Variants in KLHL7 observed in about 807,000 individuals in gnomAD.
The protein encoded by KLHL7 is kelch like family member 7, also known as kelch-like protein 7.
A neutral mutation model predicts 67.4 loss-of-function variants in KLHL7; 44 were observed. The ratio of observed to expected loss-of-function variants is 0.65; its 90% CI spans 0.51 to 0.84. The LOEUF (loss-of-function observed/expected upper bound fraction) is 0.84, where lower values mean the gene tolerates loss of function less well. Among genes scored for constraint, KLHL7 ranks in the 40% least tolerant of loss-of-function variants. The pLI, the probability that KLHL7 is intolerant of heterozygous loss-of-function variation, is 0.00. For synonymous variants in KLHL7, 252 were observed against 243.3 expected, an observed-to-expected ratio of 1.04 and a Z score of -0.33; for missense variants, 362 against 718.1, an observed-to-expected ratio of 0.50 and a Z score of 5.67.
chr7:23,128,061 G>A (rs1441461093), intron 4 of KLHL7, among the ~76,000 whole-genome samples: 2 of 151,756 alleles, frequency 1.3e-5, no homozygotes, highest in African/African-American at 4.8e-5. Flanking sequence ...ACCGGGAGGC[G>A]GAGGTTGCAG....
At chr7:23,125,024 A>G (rs1259251931) in intron 3 of KLHL7, 24 bp from the exon 4 acceptor site, 5 of 1,600,218 alleles carry the variant, frequency 3.1e-6, no homozygotes, top group East Asian at 2.2e-5. Context: ...TGGGTAACTA[A>G]TATTCCCTCT....
At position 23,164,678 on chromosome 7, in the gene KLHL7, G is replaced by A. The variant is rs143439558; in HGVS notation, c.937-1020G>A. ...AAAGCAAAATGTTCATCTTTGTCAG[G>A]AGTCAAAGTATTCTACATTAGGGGC... On this transcript the variant is annotated intron_variant, in intron 7 of 10. Coordinates refer to ENST00000339077, the MANE Select transcript of KLHL7 (RefSeq NM_001031710.3). 5.3e-5 allele frequency among the ~76,000 whole-genome samples: 8 copies of A among 152,274 alleles called. No individual in the cohort carries two copies. In the East Asian group the frequency reaches 1.5e-3, roughly 29 times the overall value.
intron 6 of KLHL7, among the ~76,000 whole-genome samples, chr7:23,148,617 A>C (rs1784437251): frequency 6.6e-6 from 1 of 152,142 alleles, no homozygotes; most frequent in Non-Finnish European, 1.5e-5. Context: ...GTTATGCCCA[A>C]TTCCCAAACT....
chr7:23,123,667 G>A (rs1583655693), intron 1 of KLHL7, 110 bp from the exon 2 acceptor site: 1 of 732,168 alleles, frequency 1.4e-6, no homozygotes, highest in Non-Finnish European at 2.4e-6. Flanking sequence ...AAAAAGATTG[G>A]CTTTAAATAG....
At chr7:23,148,547 A>G (rs557666510) in intron 6 of KLHL7, among the ~76,000 whole-genome samples, 1 of 152,314 alleles carries the variant, frequency 6.6e-6, no homozygotes, top group East Asian at 1.9e-4. Context: ...GACCAAGAAG[A>G]TGCCTTTACA....
intron 1 of KLHL7, among the ~76,000 whole-genome samples, chr7:23,121,435 A>G (rs956183345): frequency 2.0e-5 from 3 of 151,530 alleles, no homozygotes; most frequent in African/African-American, 4.9e-5. Context: ...CACTGGGACT[A>G]CAGACACACA....
intron 1 of KLHL7, among the ~76,000 whole-genome samples, chr7:23,121,770 C>CCGTT (rs1783355239): frequency 6.6e-6 from 1 of 151,194 alleles, no homozygotes; most frequent in Non-Finnish European, 1.5e-5. Flanking sequence ...GCAAGCTCCG[C>CCGTT]CTCCTGGGTT....
intron 1 of KLHL7, among the ~76,000 whole-genome samples, chr7:23,117,669 C>A (rs1283282038): frequency 6.6e-6 from 1 of 152,124 alleles, no homozygotes; most frequent in African/African-American, 2.4e-5. Context: ...TAAGTTCAAT[C>A]CTGTTTTTCT....
chr7:23,111,978 G>A (rs1470154574), intron 1 of KLHL7, among the ~76,000 whole-genome samples: 1 of 152,096 alleles, frequency 6.6e-6, no homozygotes, highest in African/African-American at 2.4e-5. Context: ...GCAGCCATAA[G>A]CAACATCAAT....
rs1785286371 is a variant in KLHL7, at chr7:23,175,952, C to CAAAAAAAAAAAA, written c.*1654_*1655insAAAAAAAAAAAA. On this transcript the variant is annotated 3_prime_UTR_variant, in exon 11 of 11. Transcript: ENST00000339077. ...CCCCAGCCTGGGCAACAGAGCAAGA[C>CAAAAAAAAAAAA]TAAAAAAAAAAAAAAAAAAAAAAAA... The CAAAAAAAAAAAA allele has an allele frequency of 3.5e-5, 1 of 28,436 alleles. No homozygotes were observed. Among genetic ancestry groups the CAAAAAAAAAAAA allele is most frequent in the African/African-American group, 2.4e-4 (1 of 4,204 alleles). 1.8% of individuals were successfully genotyped at this position (28,436 alleles called of 1,614,324 possible).
chr7:23,152,179 A>G lies in KLHL7; in HGVS notation c.906A>G (p.Gln302=), dbSNP rs371816812. 1.1e-5 allele frequency: 17 copies of G among 1,613,852 alleles called. No homozygotes were observed. The highest frequency in any genetic ancestry group is 1.3e-5 in the African/African-American group (1 of 74,910). ...DYRIALFGGS[Q]PQSCRYFNPK... is the part of the protein sequence containing the mutation. ...GCATAGCCCTATTTGGAGGCTCTCA[A>G]CCACAGTCTTGTAGATATTTTAACC... is the stretch of plus-strand genomic sequence containing the variant. The change falls in exon 7 of 11, where the codon CAA becomes CAG. Residue 302 remains glutamine, a synonymous_variant. Transcript: ENST00000339077.
intron 1 of KLHL7, chr7:23,118,097 T>G (rs1434235228): frequency 1.9e-6 from 2 of 1,031,950 alleles, no homozygotes; most frequent in Non-Finnish European, 2.9e-6. Flanking sequence ...AGCACTTACA[T>G]GGACCCAACT....
chr7:23,174,295 A>G lies in KLHL7; in HGVS notation c.1758A>G (p.Thr586=), dbSNP rs1335074172. The G allele has an allele frequency of 3.7e-6, 6 of 1,614,032 alleles. No individual in the cohort carries two copies. Among genetic ancestry groups the G allele is most frequent in the Middle Eastern group, 3.3e-4 (2 of 6,082 alleles). ...TCGANEETLE[T] ...GAGCAAATGAAGAGACCCTTGAAAC[A>G]TGAAAAATGAGTGGACTTCAGACTC... The change falls in exon 11 of 11, where the codon ACA becomes ACG. Residue 586 remains threonine, a synonymous_variant. Transcript: ENST00000339077.
At chr7:23,113,703 G>A (rs1782970255) in intron 1 of KLHL7, among the ~76,000 whole-genome samples, 1 of 152,120 alleles carries the variant, frequency 6.6e-6, no homozygotes, top group South Asian at 2.1e-4. Flanking sequence ...ACGCATGCCT[G>A]TAATCCCAGC....
intron 1 of KLHL7, among the ~76,000 whole-genome samples, chr7:23,113,910 T>C (rs1036413126): frequency 6.6e-5 from 10 of 152,258 alleles, no homozygotes; most frequent in Non-Finnish European, 1.5e-4. Flanking sequence ...GAGACCATGC[T>C]GTCTATATAA....
chr7:23,115,753 C>A (rs1783060930), intron 1 of KLHL7, among the ~76,000 whole-genome samples: 1 of 152,032 alleles, frequency 6.6e-6, no homozygotes, highest in Non-Finnish European at 1.5e-5. Flanking sequence ...CCATGTTAGC[C>A]AGGATGTCCT....
At chr7:23,131,066 T>C (rs1783780700) in intron 4 of KLHL7, among the ~76,000 whole-genome samples, 1 of 152,240 alleles carries the variant, frequency 6.6e-6, no homozygotes, top group Non-Finnish European at 1.5e-5. Context: ...AGAATTCTGC[T>C]GGTGAGTGTC....
At chr7:23,172,519 T>C (rs1161447981) in intron 9 of KLHL7, among the ~76,000 whole-genome samples, 3 of 152,248 alleles carry the variant, frequency 2.0e-5, no homozygotes, top group Admixed American at 2.0e-4. Context: ...CTTACGCATA[T>C]ATAAATAATA....
intron 7 of KLHL7, among the ~76,000 whole-genome samples, chr7:23,155,063 A>G (rs946268465): frequency 2.6e-5 from 4 of 152,168 alleles, no homozygotes; most frequent in African/African-American, 9.6e-5. Flanking sequence ...TCACCATCAT[A>G]TTTGGACTGT....
Sources: allele counts gnomAD v4.1 joint callset (sites outside exome capture counted in the v4.1 genomes callset), GRCh38; gene constraint gnomAD v4.1.1; transcripts MANE v1.5; gene names NCBI Gene and HGNC (gene_info 2026-07-23, HGNC 2026-07-21).